EPRS1: variants seen among roughly 807,000 people sequenced by gnomAD.
EPRS1 encodes bifunctional glutamate/proline--tRNA ligase.
A neutral mutation model predicts 188.3 loss-of-function variants in EPRS1; 107 were observed. The observed-to-expected ratio is 0.57, with a 90% confidence interval of 0.49 to 0.67. EPRS1 has a LOEUF of 0.67. EPRS1 is among the 30% of genes least tolerant of loss of function. EPRS1 has a pLI of 0.00. For missense variants in EPRS1, 1,577 were observed against 1,802.2 expected (o/e 0.88, Z 2.26); for synonymous variants, 596 against 593.1 (o/e 1.00, Z -0.07).
At chr1:219,986,498 A>G (rs1661008582) in intron 20 of EPRS1, among the ~76,000 whole-genome samples, 1 of 152,152 alleles carries the variant, frequency 6.6e-6, no homozygotes, top group South Asian at 2.1e-4. Flanking sequence ...AATCTTATGG[A>G]CCAATGTCAT....
intron 18 of EPRS1, among the ~76,000 whole-genome samples, chr1:219,995,357 C>T (rs2102573138): frequency 6.6e-6 from 1 of 152,204 alleles, no homozygotes; most frequent in Non-Finnish European, 1.5e-5. Flanking sequence ...TTAAGCTGAC[C>T]AAAAATTGGC....
chr1:220,000,099 T>A (rs1661321258), intron 17 of EPRS1, among the ~76,000 whole-genome samples: 1 of 152,246 alleles, frequency 6.6e-6, no homozygotes, highest in Non-Finnish European at 1.5e-5. Context: ...AACTCTGTTT[T>A]TCTTGAAAAA....
At chr1:219,981,048 G>A (rs1280171468) in intron 24 of EPRS1, among the ~76,000 whole-genome samples, 191 bp from the exon 25 acceptor site, 9 of 151,922 alleles carry the variant, frequency 5.9e-5, no homozygotes, top group Admixed American at 3.9e-4. Context: ...ACAGGTGCAC[G>A]CCAATGCAGC....
chr1:220,036,442 T>A (rs1431691409), intron 2 of EPRS1, among the ~76,000 whole-genome samples: 2 of 151,426 alleles, frequency 1.3e-5, no homozygotes, highest in Non-Finnish European at 2.9e-5. Context: ...TAAATGCCCA[T>A]CAGTGACACA....
intron 14 of EPRS1, 124 bp from the exon 15 acceptor site, chr1:220,006,437 G>C: frequency 3.3e-6 from 1 of 299,282 alleles, no homozygotes; most frequent in Non-Finnish European, 5.7e-6. Context: ...GTAATAAATG[G>C]ATAAGAAATT....
intron 6 of EPRS1, among the ~76,000 whole-genome samples, chr1:220,026,455 T>A (rs1372733779): frequency 2.6e-5 from 4 of 152,182 alleles, no homozygotes; most frequent in African/African-American, 9.7e-5. Context: ...GGAAGTTTAA[T>A]CAGCTTTCAC....
At chr1:219,970,740 T>C (rs1660649494) in intron 30 of EPRS1, among the ~76,000 whole-genome samples, 2 of 147,422 alleles carry the variant, frequency 1.4e-5, no homozygotes, top group African/African-American at 2.5e-5. Context: ...ATCACGGCAC[T>C]GTACTCCAGC....
chr1:220,020,496 A>G (rs1227562036), intron 9 of EPRS1, among the ~76,000 whole-genome samples: 1 of 152,164 alleles, frequency 6.6e-6, no homozygotes, highest in East Asian at 1.9e-4. Context: ...TATAATCATA[A>G]TATTTCTGTA....
chr1:220,032,261 T>C, intron 5 of EPRS1, 126 bp downstream of exon 5: 2 of 650,124 alleles, frequency 3.1e-6, no homozygotes, highest in Non-Finnish European at 4.6e-6. Context: ...TTTTTTTGTA[T>C]ATTTTTAGCA....
In EPRS1 at chr1:219,981,418, C is replaced by G; in HGVS notation, c.3413G>C (p.Arg1138Thr). ...CTGATTGAGCTTGATGGGCAGGTCT[C>G]TGTGTGACTGTACCCATTTTGCATA... Reference protein sequence around the residue: ...PAYAKWVQSHRDLPIKLNQWC... With the variant: ...PAYAKWVQSHTDLPIKLNQWC... The change falls in exon 24 of 32, where the codon AGA (arginine) becomes ACA (threonine). Residue 1138 changes from arginine to threonine, a missense_variant. Coordinates refer to ENST00000366923, the MANE Select transcript of EPRS1 (RefSeq NM_004446.3). 1 of 1,609,002 alleles carries G rather than the reference C, an allele frequency of 6.2e-7. No individual in the cohort carries two copies. The highest frequency in any genetic ancestry group is 8.5e-7 in the Non-Finnish European group (1 of 1,177,022).
chr1:219,988,411 C>T (rs1661052885), intron 19 of EPRS1, among the ~76,000 whole-genome samples, 179 bp downstream of exon 19: 1 of 151,808 alleles, frequency 6.6e-6, no homozygotes, highest in Admixed American at 6.6e-5. Context: ...AACATCCAAT[C>T]AAATCTAGTT....
intron 23 of EPRS1, among the ~76,000 whole-genome samples, chr1:219,981,808 T>C (rs377442547): frequency 6.6e-6 from 1 of 152,258 alleles, no homozygotes; most frequent in East Asian, 1.9e-4. Flanking sequence ...TCTGCATTCA[T>C]TGACCTGTTC....
At chr1:219,991,314 T>C (rs1661117883) in intron 18 of EPRS1, among the ~76,000 whole-genome samples, 2 of 151,724 alleles carry the variant, frequency 1.3e-5, no homozygotes, top group Admixed American at 6.6e-5. Flanking sequence ...CGATTCTAAA[T>C]GAAAAAACTT....
At chr1:220,013,412 C>T (rs770892826) in intron 12 of EPRS1, among the ~76,000 whole-genome samples, 20 of 152,148 alleles carry the variant, frequency 1.3e-4, no homozygotes, top group Non-Finnish European at 2.4e-4. Flanking sequence ...ATCCATTTCT[C>T]CCTTCTTTTC....
At chr1:219,982,145 A>G (rs1660911664) in intron 23 of EPRS1, among the ~76,000 whole-genome samples, 1 of 152,358 alleles carries the variant, frequency 6.6e-6, no homozygotes, top group East Asian at 1.9e-4. Flanking sequence ...TATCAATAAG[A>G]ACAGACAATC....
At chr1:220,008,842 ATTTTT>A (rs1223778954) in intron 13 of EPRS1, among the ~76,000 whole-genome samples, 1 of 151,942 alleles carries the variant, frequency 6.6e-6, no homozygotes, top group Non-Finnish European at 1.5e-5. Flanking sequence ...TGCCTGGTTA[ATTTTT>A]TTATTTTTCG....
Position 220,032,394 on chromosome 1 carries a change from G to C in EPRS1, c.521C>G (p.Ala174Gly). ...GTKWDVSTTK[A>G]RVAPEKKQDV... is the part of the protein sequence containing the mutation. ...AAAGAAAAAAAGGCTTACCACTCGA[G>C]CTTTGGTTGTTGAAACATCCCACTT... The change falls in exon 5 of 32, where the codon GCT becomes GGT. Residue 174 changes from alanine to glycine, a missense_variant. Physicochemically the swap from Ala to Gly is moderately conservative, Grantham distance 60 (BLOSUM62 0). Coordinates refer to ENST00000366923, the MANE Select transcript of EPRS1 (RefSeq NM_004446.3). 6.2e-7 allele frequency: 1 copy of C among 1,600,622 alleles called. No individual in the cohort carries two copies. Among genetic ancestry groups the C allele is most frequent in the Non-Finnish European group, 8.5e-7 (1 of 1,176,352 alleles).
intron 18 of EPRS1, among the ~76,000 whole-genome samples, chr1:219,996,646 T>C (rs1389211282): frequency 6.6e-6 from 1 of 152,208 alleles, no homozygotes; most frequent in Non-Finnish European, 1.5e-5. Flanking sequence ...TACTTCAGGA[T>C]GATTTTAAAT....
At chr1:219,994,178 T>C (rs950550044) in intron 18 of EPRS1, among the ~76,000 whole-genome samples, 1 of 152,238 alleles carries the variant, frequency 6.6e-6, no homozygotes, top group Non-Finnish European at 1.5e-5. Context: ...TCCCCATGTC[T>C]GTGTGAGTTT....
Sources: allele counts gnomAD v4.1 joint callset (sites outside exome capture counted in the v4.1 genomes callset), GRCh38; gene constraint gnomAD v4.1.1; transcripts MANE v1.5; gene names NCBI Gene and HGNC (gene_info 2026-07-23, HGNC 2026-07-21).